Variants in ST3GAL3 observed in about 807,000 individuals in gnomAD.
The protein encoded by ST3GAL3 is CMP-N-acetylneuraminate-beta-1,4-galactoside alpha-2,3-sialyltransferase.
Under a neutral mutation model 50.1 loss-of-function variants are expected in ST3GAL3, and 21 were observed. That is an observed-to-expected ratio of 0.42 (90% CI 0.30 to 0.60). The LOEUF is 0.60. ST3GAL3 is among the 20% of genes least tolerant of loss of function. The pLI, the probability that ST3GAL3 is intolerant of heterozygous loss-of-function variation, is 0.19. For missense variants in ST3GAL3, 353 were observed against 489.4 expected, an observed-to-expected ratio of 0.72 and a Z score of 2.63; for synonymous variants, 183 against 190.0, an observed-to-expected ratio of 0.96 and a Z score of 0.30.
intron 4 of ST3GAL3, among the ~76,000 whole-genome samples, chr1:43,818,739 G>T (rs1311242790): frequency 1.3e-5 from 2 of 151,758 alleles, no homozygotes; most frequent in African/African-American, 4.8e-5. Context: ...ATAGAATAGG[G>T]AACTATGAAA....
chr1:43,889,004 C>A (rs1307082340), intron 5 of ST3GAL3, among the ~76,000 whole-genome samples: 4 of 151,938 alleles, frequency 2.6e-5, no homozygotes, highest in African/African-American at 7.3e-5. Context: ...ACTAGTAGCA[C>A]CTACTTTACA....
intron 4 of ST3GAL3, among the ~76,000 whole-genome samples, chr1:43,820,850 T>C (rs553453603): frequency 2.0e-5 from 3 of 152,332 alleles, no homozygotes; most frequent in South Asian, 4.1e-4. Flanking sequence ...CAGTTCCACA[T>C]CTTACTAGCT....
At chr1:43,874,340 G>GGAGGA (rs1388164232) in intron 5 of ST3GAL3, among the ~76,000 whole-genome samples, 1 of 152,200 alleles carries the variant, frequency 6.6e-6, no homozygotes, top group African/African-American at 2.4e-5. Context: ...AAGAGAAATG[G>GGAGGA]GAGGAGAGAG....
At chr1:43,914,365 G>A (rs1483550389) in intron 9 of ST3GAL3, 1 of 152,144 alleles carries the variant, frequency 6.6e-6, no homozygotes, top group Non-Finnish European at 1.5e-5. Flanking sequence ...AGACTCCTGA[G>A]AGCTCCCTTA....
chr1:43,811,866 C>G (rs1354745126), intron 3 of ST3GAL3, among the ~76,000 whole-genome samples: 1 of 152,204 alleles, frequency 6.6e-6, no homozygotes, highest in Admixed American at 6.5e-5. Flanking sequence ...AATCCTCTTT[C>G]CCTTCATCTC....
At chr1:43,799,253 T>G (rs1489385121) in intron 3 of ST3GAL3, among the ~76,000 whole-genome samples, 1 of 152,248 alleles carries the variant, frequency 6.6e-6, no homozygotes, top group East Asian at 1.9e-4. Context: ...GATTTTTGTA[T>G]TGAGCATATG....
At chr1:43,793,706 C>T (rs145486305) in intron 3 of ST3GAL3, among the ~76,000 whole-genome samples, 1 of 152,284 alleles carries the variant, frequency 6.6e-6, no homozygotes, top group Non-Finnish European at 1.5e-5. Context: ...AAACTTGCAT[C>T]TATTTGTATA....
intron 5 of ST3GAL3, among the ~76,000 whole-genome samples, chr1:43,855,437 C>T (rs1353193064): frequency 6.6e-6 from 1 of 152,042 alleles, no homozygotes; most frequent in Admixed American, 6.5e-5. Flanking sequence ...TGGCGAAACC[C>T]CATTTATACT....
intron 2 of ST3GAL3, among the ~76,000 whole-genome samples, chr1:43,782,372 C>T (rs1699638991): frequency 6.6e-6 from 1 of 152,176 alleles, no homozygotes; most frequent in Non-Finnish European, 1.5e-5. Context: ...AGGTCTTAGC[C>T]TCCTTACGCT....
chr1:43,810,340 A>G (rs1471341774), intron 3 of ST3GAL3, among the ~76,000 whole-genome samples: 1 of 152,124 alleles, frequency 6.6e-6, no homozygotes, highest in Non-Finnish European at 1.5e-5. Flanking sequence ...GAGAGCCTCA[A>G]GAAAAGCCTC....
At chr1:43,771,669 T>C (rs1321842806) in intron 2 of ST3GAL3, among the ~76,000 whole-genome samples, 2 of 152,044 alleles carry the variant, frequency 1.3e-5, no homozygotes, top group Admixed American at 6.6e-5. Context: ...GTGACTTCTT[T>C]TGGAAACCAC....
chr1:43,806,495 C>T (rs1485596168), intron 3 of ST3GAL3, among the ~76,000 whole-genome samples: 1 of 151,964 alleles, frequency 6.6e-6, no homozygotes, highest in Non-Finnish European at 1.5e-5. Context: ...CATTAGTGGT[C>T]ACCAAAAATT....
At chr1:43,714,266 C>CAAA (rs111607096) in intron 1 of ST3GAL3, among the ~76,000 whole-genome samples, 1 of 96,556 alleles carries the variant, frequency 1.0e-5, no homozygotes, top group Non-Finnish European at 2.1e-5. Context: ...AACTCCATCT[C>CAAA]AAAAAAAAAA....
chr1:43,920,974 G>A (rs773888616), intron 11 of ST3GAL3, 46 bp downstream of exon 11: 22 of 1,559,740 alleles, frequency 1.4e-5, no homozygotes, highest in Middle Eastern at 1.7e-4. Flanking sequence ...GGATGAGGGG[G>A]AGGTGCATAA....
chr1:43,870,107 C>T (rs1348740498), intron 5 of ST3GAL3, among the ~76,000 whole-genome samples: 1 of 152,334 alleles, frequency 6.6e-6, no homozygotes, highest in Non-Finnish European at 1.5e-5. Flanking sequence ...TCAAACATGG[C>T]TCACCACCTT....
chr1:43,781,260 A>G (rs757457876), intron 2 of ST3GAL3, among the ~76,000 whole-genome samples: 1 of 152,184 alleles, frequency 6.6e-6, no homozygotes, highest in Non-Finnish European at 1.5e-5. Context: ...TGTGGTTCCT[A>G]TGCCAGATCT....
intron 2 of ST3GAL3, among the ~76,000 whole-genome samples, chr1:43,740,076 T>C (rs544723836): frequency 6.6e-6 from 1 of 152,238 alleles, no homozygotes; most frequent in South Asian, 2.1e-4. Context: ...AAAAGACTTA[T>C]TTCTTGGCCG....
intron 2 of ST3GAL3, among the ~76,000 whole-genome samples, chr1:43,786,380 C>G (rs577990162): frequency 1.3e-5 from 2 of 152,298 alleles, no homozygotes; most frequent in South Asian, 4.1e-4. Flanking sequence ...GCTTTCTGTG[C>G]TCTGTGCGCC....
At chr1:43,898,331 C>T (rs367590386) in intron 7 of ST3GAL3, 33 bp downstream of exon 7, 153 of 1,609,838 alleles carry the variant, frequency 9.5e-5, no homozygotes, top group Non-Finnish European at 1.2e-4. Flanking sequence ...TCCTACCCAC[C>T]GCTGCCTGGT....
Sources: allele counts gnomAD v4.1 joint callset (sites outside exome capture counted in the v4.1 genomes callset), GRCh38; gene constraint gnomAD v4.1.1; transcripts MANE v1.5; gene names NCBI Gene and HGNC (gene_info 2026-07-23, HGNC 2026-07-21).